Variants in TSPAN31 observed in about 807,000 individuals in gnomAD.
The protein encoded by TSPAN31 is tetraspanin 31.
Under a neutral mutation model 24.8 loss-of-function variants are expected in TSPAN31, and 16 were observed. The observed-to-expected ratio is 0.64, with a 90% CI of 0.44 to 0.98. TSPAN31 has a LOEUF of 0.98. Among genes scored for constraint, TSPAN31 ranks in the 50% least tolerant of loss-of-function variants. TSPAN31 has a pLI of 0.00. For synonymous variants in TSPAN31, 87 were observed against 91.4 expected (o/e 0.95, Z 0.27); for missense variants, 209 against 251.6 (o/e 0.83, Z 1.15).
intron 4 of TSPAN31, 75 bp downstream of exon 4, chr12:57,746,795 T>C: frequency 6.3e-7 from 1 of 1,597,720 alleles, no homozygotes; most frequent in Non-Finnish European, 8.6e-7. Context: ...AGTTGGCAAA[T>C]TTAGTTTGAA....
chr12:57,748,932 C>G lies in TSPAN31; in HGVS notation c.*1642C>G, dbSNP rs552610614. 29 of 578,214 alleles carry G rather than the reference C, an allele frequency of 5.0e-5. No individual in the cohort carries two copies. Among genetic ancestry groups the G allele is most frequent in the Non-Finnish European group, 8.0e-5 (26 of 326,250 alleles). 35.8% of individuals were successfully genotyped at this position (578,214 alleles called of 1,614,324 possible). ...TGTTGGCCAGGCTGGTCTCGAACTCCTGACCTCAGGTGATACGCCCACCTT... is the reference window on the plus strand; with the variant it reads ...TGTTGGCCAGGCTGGTCTCGAACTCGTGACCTCAGGTGATACGCCCACCTT... On this transcript the variant is annotated 3_prime_UTR_variant, in exon 6 of 6. Transcript: ENST00000257910.
In TSPAN31 at chr12:57,746,727, G is replaced by A. The variant is rs201649242; in HGVS notation, c.444+7G>A. 84 of 1,614,062 alleles carry A rather than the reference G, an allele frequency of 5.2e-5. No homozygotes were observed. Among genetic ancestry groups the A allele is most frequent in the Admixed American group, 1.8e-4 (11 of 60,020 alleles). ...TTATGATTTCTGCACTGCAGTGAGTGTGTTGGGGGTGGTGCAGCAGCCAGG... is the reference window on the plus strand; with the variant it reads ...TTATGATTTCTGCACTGCAGTGAGTATGTTGGGGGTGGTGCAGCAGCCAGG... On this transcript the variant is annotated splice_region_variant and intron_variant, in intron 4 of 5. Coordinates refer to ENST00000257910, the MANE Select transcript of TSPAN31 (RefSeq NM_005981.5).
chr12:57,750,177 AAATAAATAAATAAATAAAT>A lies in TSPAN31; in HGVS notation c.*2890_*2908del, dbSNP rs1424610202. On this transcript the variant is annotated 3_prime_UTR_variant, in exon 6 of 6. Transcript: ENST00000257910. ...TCAATAAATAAATAAATAAATAAATAAATAAATAAATAAATAAATAAAAAATAAAGAGAATAAAGGGATA... is the reference window on the plus strand; with the variant it reads ...TCAATAAATAAATAAATAAATAAATAAAAAAATAAAGAGAATAAAGGGATA... The A allele has an allele frequency of 2.0e-5, 3 of 150,382 alleles. No individual in the cohort carries two copies. Among genetic ancestry groups the A allele is most frequent in the African/African-American group, 7.3e-5 (3 of 40,836 alleles). The allele number at this position is 150,382 out of a possible 1,614,324, so 9.3% of individuals were successfully genotyped here. A position where few individuals can be genotyped will look rare whatever the true frequency, so the allele number is the denominator to read the frequency against.
intron 2 of TSPAN31, 61 bp from the exon 3 acceptor site, chr12:57,746,115 C>T: frequency 6.7e-7 from 1 of 1,501,484 alleles, no homozygotes; most frequent in Non-Finnish European, 9.3e-7. Flanking sequence ...TGAGACCAGA[C>T]AGTTATTATA....
chr12:57,745,164 G>C lies in TSPAN31; in HGVS notation c.10G>C (p.Gly4Arg). 6.2e-7 allele frequency: 1 copy of C among 1,602,908 alleles called. No homozygotes were observed. The highest frequency in any genetic ancestry group is 8.5e-7 in the Non-Finnish European group (1 of 1,174,892). The change falls in exon 1 of 6, where the codon GGC becomes CGC. Residue 4 changes from glycine to arginine, a missense_variant. Gly to Arg is a moderately radical substitution (Grantham distance 125). Coordinates refer to ENST00000257910, the MANE Select transcript of TSPAN31 (RefSeq NM_005981.5). ...CCCCAGAGCTGGGGAGATGGTTTGT[G>C]GCGGCTTTGCCTGCTCCAAGAATGC... MVC[G>R]GFACSKNALC...
chr12:57,749,369 C>CATGGG lies in TSPAN31; in HGVS notation c.*2080_*2084dup. ...AGGAGGGTCCTCCAGTTCCCATCCC[C>CATGGG]ATGGGCAGAGCCAGTTGCCATCCTG... On this transcript the variant is annotated 3_prime_UTR_variant, in exon 6 of 6. Transcript: ENST00000257910. The CATGGG allele has an allele frequency of 6.2e-7, 1 of 1,613,522 alleles. No individual in the cohort carries two copies. Among genetic ancestry groups the CATGGG allele is most frequent in the Admixed American group, 1.7e-5 (1 of 60,014 alleles).
In TSPAN31 at chr12:57,749,124, C is replaced by A. The variant is rs575489230; in HGVS notation, c.*1834C>A. The A allele has an allele frequency of 6.2e-7, 1 of 1,607,798 alleles. No homozygotes were observed. Among genetic ancestry groups the A allele is most frequent in the Non-Finnish European group, 8.5e-7 (1 of 1,174,238 alleles). ...ACAGTGGCCAGGGCCCTGCATACTG[C>A]TCTATTTCTTTCCCCAGTCTCTATT... On this transcript the variant is annotated 3_prime_UTR_variant, in exon 6 of 6. Transcript: ENST00000257910.
Position 57,749,331 on chromosome 12 carries a change from G to A in TSPAN31, c.*2041G>A, listed in dbSNP as rs750471090. 6 of 1,614,070 alleles carry A rather than the reference G, an allele frequency of 3.7e-6. No individual in the cohort carries two copies. In the East Asian group the frequency reaches 6.7e-5, roughly 18 times the overall value. ...AGCCCAATCAGGCTGTGGGGGACAG[G>A]AGAACTCTGGTCAGGAGGGTCCTCC... On this transcript the variant is annotated 3_prime_UTR_variant, in exon 6 of 6. Coordinates refer to ENST00000257910, the MANE Select transcript of TSPAN31 (RefSeq NM_005981.5).
In TSPAN31 at chr12:57,747,547, G is replaced by A. The variant is rs1955172170; in HGVS notation, c.*257G>A. ...GAAGCTTCTGTGAGTGCATAGGATG[G>A]GGGCTGGAGTCATTCTTAGCTGTTT... On this transcript the variant is annotated 3_prime_UTR_variant, in exon 6 of 6. Transcript: ENST00000257910. 1 of 416,692 alleles carries A rather than the reference G, an allele frequency of 2.4e-6. No individual in the cohort carries two copies. Among genetic ancestry groups the A allele is most frequent in the Non-Finnish European group, 4.4e-6 (1 of 229,610 alleles). The allele number at this position is 416,692 out of a possible 1,614,324, so 25.8% of individuals were successfully genotyped here. A position where few individuals can be genotyped will look rare whatever the true frequency, so the allele number is the denominator to read the frequency against.
In TSPAN31 at chr12:57,748,640, G is replaced by C. The variant is rs748278683; in HGVS notation, c.*1350G>C. On this transcript the variant is annotated 3_prime_UTR_variant, in exon 6 of 6. Coordinates refer to ENST00000257910, the MANE Select transcript of TSPAN31 (RefSeq NM_005981.5). The stretch of plus-strand genomic sequence containing the variant: ...TTCCTGAGGGGAGAGGCAAAGGTCA[G>C]AAAACCATGAAGAAAACAGACTTCT... 1.3e-6 allele frequency: 2 copies of C among 1,531,214 alleles called. No individual in the cohort carries two copies. The highest frequency in any genetic ancestry group is 1.8e-6 in the Non-Finnish European group (2 of 1,104,972). 94.9% of individuals were successfully genotyped at this position (1,531,214 alleles called of 1,614,324 possible).
At chr12:57,746,942 A>G in intron 4 of TSPAN31, 76 bp from the exon 5 acceptor site, 2 of 1,436,030 alleles carry the variant, frequency 1.4e-6, no homozygotes, top group Non-Finnish European at 1.9e-6. Flanking sequence ...TAAAGTTTCT[A>G]GGGACATTCG....
intron 3 of TSPAN31, 45 bp downstream of exon 3, chr12:57,746,301 T>C (rs745422779): frequency 1.3e-6 from 2 of 1,568,156 alleles, no homozygotes; most frequent in Non-Finnish European, 8.8e-7. Context: ...TTTAAAATTT[T>C]CCTCTTAACC....
rs2140383602 is a variant in TSPAN31, at chr12:57,749,414, T to A, written c.*2124T>A. ...ATCCTGGGTTCAGCAGAAAGAGGAC[T>A]CAGAATAGAAAATCTTTTTCTCCCA... On this transcript the variant is annotated 3_prime_UTR_variant, in exon 6 of 6. Transcript: ENST00000257910. The A allele has an allele frequency of 1.2e-6, 2 of 1,613,464 alleles. No homozygotes were observed. Among genetic ancestry groups the A allele is most frequent in the East Asian group, 4.5e-5 (2 of 44,874 alleles).
rs774243339 is a variant in TSPAN31, at chr12:57,749,674, C to T, written c.*2384C>T. 1 of 698,612 alleles carries T rather than the reference C, an allele frequency of 1.4e-6. No homozygotes were observed. The highest frequency in any genetic ancestry group is 2.6e-6 in the Non-Finnish European group (1 of 387,632). The allele number at this position is 698,612 out of a possible 1,614,324, so 43.3% of individuals were successfully genotyped here. A position where few individuals can be genotyped will look rare whatever the true frequency, so the allele number is the denominator to read the frequency against. On this transcript the variant is annotated 3_prime_UTR_variant, in exon 6 of 6. Coordinates refer to ENST00000257910, the MANE Select transcript of TSPAN31 (RefSeq NM_005981.5). ...TTGAGCCCAGGAGTTCTAGATCAGCCTGGGCAAGCAAGACCTTGTCTCTTT... is the reference window on the plus strand; with the variant it reads ...TTGAGCCCAGGAGTTCTAGATCAGCTTGGGCAAGCAAGACCTTGTCTCTTT...
In TSPAN31 at chr12:57,746,250, C is replaced by T. The variant is rs555270932; in HGVS notation, c.306C>T (p.Ser102=). 8.1e-6 allele frequency: 13 copies of T among 1,613,628 alleles called. No homozygotes were observed. Among genetic ancestry groups the T allele is most frequent in the Admixed American group, 1.7e-5 (1 of 60,014 alleles). ...GCTCATGTCTGGCTATTAACCGAAGCAAACAGGTAAGACAGTACCCTTTCA... is the reference window on the plus strand; with the variant it reads ...GCTCATGTCTGGCTATTAACCGAAGTAAACAGGTAAGACAGTACCCTTTCA... The part of the protein sequence containing the change: ...ISCSCLAINR[S]KQTDVINASW... Residue 102 remains serine (S), a synonymous_variant, in exon 3 of 6, where the codon AGC becomes AGT. Transcript: ENST00000257910.
Position 57,745,174 on chromosome 12 carries a change from C to T in TSPAN31, c.20C>T (p.Ala7Val). Reference sequence around the variant, plus strand: ...GGGGAGATGGTTTGTGGCGGCTTTGCCTGCTCCAAGAATGCGCTTTGCGCT... The same window carrying T: ...GGGGAGATGGTTTGTGGCGGCTTTGTCTGCTCCAAGAATGCGCTTTGCGCT... Reference protein sequence around the residue: MVCGGFACSKNALCALN... With the variant: MVCGGFVCSKNALCALN... The change falls in exon 1 of 6, where the codon GCC becomes GTC. Residue 7 changes from alanine (A) to valine (V), a missense_variant. Physicochemically the swap from Ala to Val is moderately conservative, Grantham distance 64. Coordinates refer to ENST00000257910, the MANE Select transcript of TSPAN31 (RefSeq NM_005981.5). 3 of 1,603,624 alleles carry T rather than the reference C, an allele frequency of 1.9e-6. No individual in the cohort carries two copies. Among genetic ancestry groups the T allele is most frequent in the Non-Finnish European group, 2.6e-6 (3 of 1,175,358 alleles).
rs2140380945 is a variant in TSPAN31, at chr12:57,748,528, C to T, written c.*1238C>T. ...TCCATGGCAGCCACTCCATTGCTCA[C>T]TCCGGATTACCTTCATCCTTATGTA... On this transcript the variant is annotated 3_prime_UTR_variant, in exon 6 of 6. Coordinates refer to ENST00000257910, the MANE Select transcript of TSPAN31 (RefSeq NM_005981.5). The T allele has an allele frequency of 6.2e-7, 1 of 1,610,534 alleles. No homozygotes were observed. The highest frequency in any genetic ancestry group is 8.5e-7 in the Non-Finnish European group (1 of 1,176,826).
Position 57,749,444 on chromosome 12 carries a change from G to A in TSPAN31, c.*2154G>A, listed in dbSNP as rs1455681193. 2 of 1,613,870 alleles carry A rather than the reference G, an allele frequency of 1.2e-6. No homozygotes were observed. The highest frequency in any genetic ancestry group is 1.7e-6 in the Non-Finnish European group (2 of 1,179,858). On this transcript the variant is annotated 3_prime_UTR_variant, in exon 6 of 6. Transcript: ENST00000257910. ...ATAGAAAATCTTTTTCTCCCATGTT[G>A]GTCACTTACTCAAAGATTTTGCCCA...
In TSPAN31 at chr12:57,746,975, A is replaced by T. The variant is rs570440252; in HGVS notation, c.445-43A>T. Reference sequence around the variant, plus strand: ...TCGGCATAGGTATTAGTCACTAGCAACTTTACATTCACAACTTTGCATTCT... The same window carrying T: ...TCGGCATAGGTATTAGTCACTAGCATCTTTACATTCACAACTTTGCATTCT... On this transcript the variant is annotated intron_variant, in intron 4 of 5. Coordinates refer to ENST00000257910, the MANE Select transcript of TSPAN31 (RefSeq NM_005981.5). 1.9e-6 allele frequency: 3 copies of T among 1,568,232 alleles called. No homozygotes were observed. In the East Asian group the frequency reaches 6.7e-5, roughly 35 times the overall value.
Sources: allele counts gnomAD v4.1 joint callset, GRCh38; gene constraint gnomAD v4.1.1; transcripts MANE v1.5; gene names NCBI Gene and HGNC (gene_info 2026-07-23, HGNC 2026-07-21).